The following TAS2R1 variants were observed in gnomAD, a reference collection of about 807,000 sequenced individuals.
TAS2R1 encodes the protein taste 2 receptor member 1.
For missense variants in TAS2R1, 370 were observed against 353.4 expected, an observed-to-expected ratio of 1.05 and a Z score of -0.38; for synonymous variants, 141 against 134.2, an observed-to-expected ratio of 1.05 and a Z score of -0.35.
chr5:9,861,081 T>C, the TAS2R1 span, among the ~76,000 whole-genome samples: 60 of 147,694 alleles, frequency 4.1e-4, no homozygotes, highest in African/African-American at 1.4e-3. Flanking sequence ...TGAATAGTGT[T>C]TTAAAAACTT....
intron 1 of TAS2R1, among the ~76,000 whole-genome samples, chr5:9,683,917 G>A (rs1488091156): frequency 1.3e-5 from 2 of 152,118 alleles, no homozygotes; most frequent in Non-Finnish European, 2.9e-5. Context: ...CAGCATCTAC[G>A]GAAGTGTGTG....
At chr5:9,827,598 GCACACACA>G in the TAS2R1 span, among the ~76,000 whole-genome samples, 15 of 147,424 alleles carry the variant, frequency 1.0e-4, no homozygotes, top group South Asian at 4.4e-4. Context: ...GTGGTGGCAT[GCACACACA>G]CACACACACA....
the TAS2R1 span, among the ~76,000 whole-genome samples, chr5:9,733,280 T>C: frequency 1.3e-5 from 2 of 152,238 alleles, no homozygotes; most frequent in African/African-American, 4.8e-5. Flanking sequence ...CCATGCCAAC[T>C]CATTTGTGCA....
chr5:9,683,867 A>G (rs767053338), intron 1 of TAS2R1, among the ~76,000 whole-genome samples: 3 of 152,156 alleles, frequency 2.0e-5, no homozygotes, highest in Non-Finnish European at 4.4e-5. Context: ...ATCTTTTTCC[A>G]ATGTCAGCTC....
the TAS2R1 span, among the ~76,000 whole-genome samples, chr5:9,853,170 G>A: frequency 6.6e-6 from 1 of 152,278 alleles, no homozygotes; most frequent in Admixed American, 6.5e-5. Context: ...CAAAAATTAG[G>A]GCTTAGTCCA....
At chr5:9,815,507 A>G in the TAS2R1 span, among the ~76,000 whole-genome samples, 1 of 152,204 alleles carries the variant, frequency 6.6e-6, no homozygotes. Flanking sequence ...AAAAGCCAAG[A>G]TATCAGCCTA....
At chr5:9,699,420 TTA>T (rs1458388329) in intron 1 of TAS2R1, among the ~76,000 whole-genome samples, 1 of 152,158 alleles carries the variant, frequency 6.6e-6, no homozygotes, top group East Asian at 1.9e-4. Flanking sequence ...TGAGGATGAT[TTA>T]TATGAGTTGA....
intron 1 of TAS2R1, among the ~76,000 whole-genome samples, chr5:9,666,913 A>G (rs959968932): frequency 1.3e-5 from 2 of 152,214 alleles, no homozygotes; most frequent in Non-Finnish European, 2.9e-5. Flanking sequence ...TATATTAGGT[A>G]CACGAAATCA....
intron 1 of TAS2R1, among the ~76,000 whole-genome samples, chr5:9,666,737 G>A (rs542234915): frequency 6.6e-6 from 1 of 151,946 alleles, no homozygotes; most frequent in East Asian, 1.9e-4. Context: ...AAACAAGAAG[G>A]CAAAACTAAC....
the TAS2R1 span, among the ~76,000 whole-genome samples, chr5:9,819,178 G>A: frequency 6.6e-6 from 1 of 152,128 alleles, no homozygotes; most frequent in Non-Finnish European, 1.5e-5. Context: ...CCTCAGATGA[G>A]GATTGCTGAG....
intron 1 of TAS2R1, among the ~76,000 whole-genome samples, chr5:9,660,832 C>A (rs1339125221): frequency 6.6e-6 from 1 of 152,188 alleles, no homozygotes; most frequent in Non-Finnish European, 1.5e-5. Context: ...GGATTCAGTG[C>A]AAATGGCTGG....
chr5:9,753,866 G>A, the TAS2R1 span, among the ~76,000 whole-genome samples: 1,151 of 152,148 alleles, frequency 7.6e-3, 14 homozygotes, highest in African/African-American at 0.024. Context: ...GTAGATATGC[G>A]GCATTATTTC....
chr5:9,798,965 T>C, the TAS2R1 span, among the ~76,000 whole-genome samples: 1 of 152,172 alleles, frequency 6.6e-6, no homozygotes, highest in African/African-American at 2.4e-5. Context: ...GGCAGGCATA[T>C]ACACACCCAA....
chr5:9,724,514 T>C, the TAS2R1 span, among the ~76,000 whole-genome samples: 1 of 152,194 alleles, frequency 6.6e-6, no homozygotes, highest in African/African-American at 2.4e-5. Context: ...TATCCCACCA[T>C]GTAGGGACTG....
chr5:9,828,024 C>T, the TAS2R1 span, among the ~76,000 whole-genome samples: 43,368 of 152,136 alleles, frequency 0.29, 6,939 homozygotes, highest in Non-Finnish European at 0.37. Flanking sequence ...CTTCATATTT[C>T]TGCAAAGCTG....
chr5:9,747,623 T>C, the TAS2R1 span, among the ~76,000 whole-genome samples: 3 of 152,110 alleles, frequency 2.0e-5, no homozygotes, highest in South Asian at 2.1e-4. Context: ...TACGCCTCCA[T>C]GACCCAAACA....
the TAS2R1 span, among the ~76,000 whole-genome samples, chr5:9,721,489 C>T: frequency 1.3e-5 from 2 of 152,294 alleles, no homozygotes; most frequent in Admixed American, 6.5e-5. Flanking sequence ...TCCCTGGTGT[C>T]CTGACTAACC....
At chr5:9,713,541 C>T (rs572291096), upstream of TAS2R1, among the ~76,000 whole-genome samples, 1 of 152,216 alleles carries the variant, frequency 6.6e-6, no homozygotes, top group South Asian at 2.1e-4. Flanking sequence ...GATTTATTTG[C>T]TGAAATGTGA....
At chr5:9,777,400 G>T in the TAS2R1 span, among the ~76,000 whole-genome samples, 2 of 152,208 alleles carry the variant, frequency 1.3e-5, no homozygotes, top group African/African-American at 4.8e-5. Context: ...GTGCTCATTC[G>T]TAAGAAGCAG....
Sources: gnomAD v4.1 joint callset for allele counts (sites outside exome capture counted in the v4.1 genomes callset) on GRCh38, gnomAD v4.1.1 for gene constraint, MANE v1.5 for transcripts, NCBI Gene and HGNC (gene_info 2026-07-23, HGNC 2026-07-21) for gene names.